PNKP: variants seen among roughly 807,000 people sequenced by gnomAD.
PNKP encodes the protein bifunctional polynucleotide phosphatase/kinase.
In PNKP, 82 loss-of-function variants were observed where a neutral mutation model predicts 66.2. The ratio of observed to expected loss-of-function variants is 1.24; its 90% CI spans 1.04 to 1.49. The LOEUF (loss-of-function observed/expected upper bound fraction) is 1.49, where lower values mean the gene tolerates loss of function less well. Among genes scored for constraint, PNKP ranks in the 40% most tolerant of loss-of-function variants. PNKP has a pLI of 0.00. For synonymous variants in PNKP, 412 were observed against 298.9 expected (o/e 1.38, Z -3.90); for missense variants, 907 against 706.8 (o/e 1.28, Z -3.21).
intron 8 of PNKP, among the ~76,000 whole-genome samples, chr19:49,863,105 GAGCCAGCC>G (rs2074791732): frequency 6.6e-6 from 1 of 152,190 alleles, no homozygotes; most frequent in Non-Finnish European, 1.5e-5. Flanking sequence ...CCCTCGCTTA[GAGCCAGCC>G]GCATGGGCCT....
In PNKP at chr19:49,861,235, A is replaced by T; in HGVS notation, c.*13T>A. 6.6e-7 allele frequency: 1 copy of T among 1,516,500 alleles called. No individual in the cohort carries two copies. Among genetic ancestry groups the T allele is most frequent in the African/African-American group, 1.4e-5 (1 of 73,002 alleles). The allele number at this position is 1,516,500 out of a possible 1,614,324, so 93.9% of individuals were successfully genotyped here. ...AGAAACAGCGTTTATTGTGGAGGGGAGCTGGGCGGGGCTCAGCCCTCGGAG... is the reference window on the plus strand; with the variant it reads ...AGAAACAGCGTTTATTGTGGAGGGGTGCTGGGCGGGGCTCAGCCCTCGGAG... On this transcript the variant is annotated 3_prime_UTR_variant, in exon 17 of 17. Transcript: ENST00000322344.
chr19:49,866,335 G>A (rs528576274), intron 3 of PNKP, 64 bp downstream of exon 3: 7 of 1,451,454 alleles, frequency 4.8e-6, no homozygotes, highest in Non-Finnish European at 6.8e-6. Flanking sequence ...CTTCACTGAC[G>A]GCTTGCAATT....
In PNKP at chr19:49,861,618, T is replaced by G; in HGVS notation, c.1376A>C (p.His459Pro). 6 of 1,556,058 alleles carry G rather than the reference T, an allele frequency of 3.9e-6. No homozygotes were observed. Among genetic ancestry groups the G allele is most frequent in the Admixed American group, 1.9e-5 (1 of 51,582 alleles). Residue 459 changes from histidine (H) to proline (P), a missense_variant, in exon 15 of 17, where the codon CAC becomes CCC. His to Pro is a moderately conservative substitution (Grantham distance 77). Transcript: ENST00000322344. Reference sequence around the variant, plus strand: ...GCTGAGCGGGCTCACCCGGTTGTTGTGGCGCGCCTGCTCCAGAGTGGCGGT... The same window carrying G: ...GCTGAGCGGGCTCACCCGGTTGTTGGGGCGCGCCTGCTCCAGAGTGGCGGT... Reference protein sequence around the residue: ...LFTATLEQARHNNRFREMTDS... With the variant: ...LFTATLEQARPNNRFREMTDS...
Position 49,861,668 on chromosome 19 carries a change from G to C in PNKP, c.1326C>G (p.Gly442=). Residue 442 remains glycine, a synonymous_variant, in exon 15 of 17, where the codon GGC becomes GGG. Transcript: ENST00000322344. ...ARYVQCARAA[G]VPCRCFLFTA... ...TGAAGAGGAAGCAGCGGCAGGGGAC[G>C]CCCGCGGCTCGGGCACACTGGACGT... 1 of 1,548,408 alleles carries C rather than the reference G, an allele frequency of 6.5e-7. No homozygotes were observed. The highest frequency in any genetic ancestry group is 1.2e-5 in the South Asian group (1 of 84,226).
intron 3 of PNKP, 26 bp downstream of exon 3, chr19:49,866,373 G>C: frequency 1.9e-6 from 3 of 1,607,694 alleles, no homozygotes; most frequent in Non-Finnish European, 2.6e-6. Flanking sequence ...CCCAGGCCTT[G>C]CTGGCCCTTG....
intron 8 of PNKP, among the ~76,000 whole-genome samples, chr19:49,863,004 C>T (rs1324669363): frequency 6.6e-6 from 1 of 152,154 alleles, no homozygotes; most frequent in Non-Finnish European, 1.5e-5. Context: ...CACCCTGCTA[C>T]AGCTCCAGCC....
intron 11 of PNKP, 25 bp downstream of exon 11, chr19:49,862,346 C>A: frequency 7.2e-7 from 1 of 1,384,974 alleles, no homozygotes; most frequent in Non-Finnish European, 1.0e-6. Context: ...CCATCCCCAC[C>A]CCCACCCCCG....
chr19:49,866,302 A>G lies in PNKP; in HGVS notation c.198+97T>C, dbSNP rs917989228. Reference sequence around the variant, plus strand: ...GGCTTGAGCCACCACGCCCGGCCCCAATCAGATTTTCCTAATGTACCCCTT... The same window carrying G: ...GGCTTGAGCCACCACGCCCGGCCCCGATCAGATTTTCCTAATGTACCCCTT... On this transcript the variant is annotated intron_variant, in intron 3 of 16. Transcript: ENST00000322344. 1.7e-4 allele frequency: 194 copies of G among 1,152,444 alleles called. 1 individual carries two copies. Among genetic ancestry groups the G allele is most frequent in the Middle Eastern group, 6.9e-4 (3 of 4,344 alleles). The allele number at this position is 1,152,444 out of a possible 1,614,324, so 71.4% of individuals were successfully genotyped here.
intron 8 of PNKP, among the ~76,000 whole-genome samples, chr19:49,863,371 G>T (rs376279551): frequency 6.6e-6 from 1 of 152,174 alleles, no homozygotes; most frequent in African/African-American, 2.4e-5. Context: ...TAGAGTCACC[G>T]CCCTCGCCGT....
chr19:49,867,568 G>A lies in PNKP; in HGVS notation c.-113C>T, dbSNP rs534161819. ...GCCGGCGGCGGTCGGTTCCTCGGCGGACGGAAATGACTCGTCCCCTCGTGG... is the reference window on the plus strand; with the variant it reads ...GCCGGCGGCGGTCGGTTCCTCGGCGAACGGAAATGACTCGTCCCCTCGTGG... On this transcript the variant is annotated 5_prime_UTR_variant, in exon 1 of 17. Coordinates refer to ENST00000322344, the MANE Select transcript of PNKP (RefSeq NM_007254.4). 4 of 190,508 alleles carry A rather than the reference G, an allele frequency of 2.1e-5. No homozygotes were observed. Among genetic ancestry groups the A allele is most frequent in the African/African-American group, 1.3e-4 (3 of 22,866 alleles). The allele number at this position is 190,508 out of a possible 1,614,324, so 11.8% of individuals were successfully genotyped here.
chr19:49,866,035 C>G, intron 3 of PNKP: 1 of 345,858 alleles, frequency 2.9e-6, no homozygotes, highest in Non-Finnish European at 5.5e-6. Flanking sequence ...TTTTTTGAGA[C>G]AGGTTCTCGC....
rs1433482610 is a variant in PNKP at position 49,862,676 on chromosome 19, C to T, written c.865+14G>A. ...GGCGTCCCAGCCCACCCTCAGCAGCCTCCAGGCCCTTACCTCCCACAAAGA... is the reference window on the plus strand; with the variant it reads ...GGCGTCCCAGCCCACCCTCAGCAGCTTCCAGGCCCTTACCTCCCACAAAGA... On this transcript the variant is annotated intron_variant, in intron 9 of 16. Coordinates refer to ENST00000322344, the MANE Select transcript of PNKP (RefSeq NM_007254.4). 10 of 1,614,112 alleles carry T rather than the reference C, an allele frequency of 6.2e-6. No homozygotes were observed. The highest frequency in any genetic ancestry group is 1.1e-5 in the South Asian group (1 of 91,086).
chr19:49,861,609 C>G lies in PNKP; in HGVS notation c.1385G>C (p.Arg462Pro), dbSNP rs376854895. 63 of 1,558,160 alleles carry G rather than the reference C, an allele frequency of 4.0e-5. No individual in the cohort carries two copies. The highest frequency in any genetic ancestry group is 5.8e-5 in the Admixed American group (3 of 51,732). The change falls in exon 15 of 17, where the codon CGG becomes CCG. Residue 462 changes from arginine (R) to proline (P), a missense_variant and splice_region_variant. Physicochemically the swap from Arg to Pro is moderately radical, Grantham distance 103. Coordinates refer to ENST00000322344, the MANE Select transcript of PNKP (RefSeq NM_007254.4). ...ATLEQARHNN[R>P]FREMTDSSHI... ...GGTGTCCGGGCTGAGCGGGCTCACC[C>G]GGTTGTTGTGGCGCGCCTGCTCCAG...
At position 49,864,188 on chromosome 19, in the gene PNKP, C is replaced by T. The variant is rs532550120; in HGVS notation, c.627G>A (p.Glu209=). The change falls in exon 6 of 17, where the codon GAG becomes GAA. Residue 209 remains glutamate (E), a synonymous_variant. Transcript: ENST00000322344. The part of the protein sequence containing the change: ...IPRKLRELEA[E]GYKLVIFTNQ... ...AGGCGGCTGCACATACCTTGTAGCC[C>T]TCGGCTTCCAGCTCTCGGAGCTTAC... 1.8e-4 allele frequency: 296 copies of T among 1,614,184 alleles called. 3 individuals carry two copies. In the South Asian group the frequency reaches 3.2e-3, roughly 17 times the overall value.
chr19:49,862,792 T>C (rs1032547754), intron 8 of PNKP, 54 bp from the exon 9 acceptor site: 19 of 1,590,294 alleles, frequency 1.2e-5, no homozygotes, highest in African/African-American at 4.0e-5. Flanking sequence ...CCCGCAGCGG[T>C]AGCGGGTCCC....
chr19:49,866,000 C>T (rs1418179854), intron 3 of PNKP: 3 of 335,120 alleles, frequency 9.0e-6, no homozygotes, highest in East Asian at 1.5e-4. Flanking sequence ...ATCCCCTTCT[C>T]TCCCAGCCAT....
In PNKP at chr19:49,864,383, G is replaced by A. The variant is rs144284975; in HGVS notation, c.519C>T (p.Asp173=). The A allele has an allele frequency of 2.1e-4, 331 of 1,613,786 alleles. No individual in the cohort carries two copies. Among genetic ancestry groups the A allele is most frequent in the African/African-American group, 1.7e-3 (129 of 75,012 alleles). The change falls in exon 5 of 17, where the codon GAC becomes GAT. Residue 173 remains aspartate (D), a synonymous_variant. Coordinates refer to ENST00000322344, the MANE Select transcript of PNKP (RefSeq NM_007254.4). ...PQGKVAGFDL[D]GTLITTRSGK... ...CAGAGCGTGTGGTGATGAGCGTCCC[G>A]TCCAGATCAAAGCCAGCCACCTGGT...
Position 49,865,382 on chromosome 19 carries a change from C to T in PNKP, c.243G>A (p.Pro81=), listed in dbSNP as rs1057520480. The change falls in exon 4 of 17, where the codon CCG becomes CCA. Residue 81 remains proline (P), a synonymous_variant. Coordinates refer to ENST00000322344, the MANE Select transcript of PNKP (RefSeq NM_007254.4). ...CCACCCCCAGAGAGCCCTCCAACCC[C>T]GGCTTCAACTCCTGGGTCCCGGTAG... ...PSTTGTQELK[P]GLEGSLGVGD... The T allele has an allele frequency of 1.9e-6, 3 of 1,612,896 alleles. No homozygotes were observed. Among genetic ancestry groups the T allele is most frequent in the African/African-American group, 1.3e-5 (1 of 74,976 alleles).
chr19:49,866,672 T>C (rs966718720), intron 2 of PNKP: 1 of 639,028 alleles, frequency 1.6e-6, no homozygotes, highest in Non-Finnish European at 2.8e-6. Flanking sequence ...AGAATTGGTT[T>C]CCTCCTTGAC....
Sources: gnomAD v4.1 joint callset for allele counts (sites outside exome capture counted in the v4.1 genomes callset) on GRCh38, gnomAD v4.1.1 for gene constraint, MANE v1.5 for transcripts, NCBI Gene and HGNC (gene_info 2026-07-23, HGNC 2026-07-21) for gene names.